The following SDK1 variants were observed in gnomAD, a reference collection of about 807,000 sequenced individuals.
The protein encoded by SDK1 is sidekick cell adhesion molecule 1.
SDK1 carries 157 observed loss-of-function variants against 245.5 expected under a neutral mutation model. The ratio of observed to expected loss-of-function variants is 0.64; its 90% confidence interval spans 0.56 to 0.73. SDK1 has a LOEUF of 0.73. Among genes scored for constraint, SDK1 ranks in the 30% least tolerant of loss-of-function variants. The probability of loss-of-function intolerance (pLI) is 0.00; values close to 1 mark genes in which losing one functional copy is unlikely to be tolerated. For synonymous variants in SDK1, 1,647 were observed against 1,278.5 expected (o/e 1.29, Z -6.15); for missense variants, 3,583 against 3,002.3 (o/e 1.19, Z -4.52).
chr7:3,625,942 C>CTTTTTTTTTTT (rs3086084), intron 2 of SDK1, among the ~76,000 whole-genome samples: 1 of 129,800 alleles, frequency 7.7e-6, no homozygotes. Context: ...TCTTTTCTTT[C>CTTTTTTTTTTT]TTTTTTTTTT....
intron 5 of SDK1, among the ~76,000 whole-genome samples, chr7:3,910,334 T>C (rs1779120947): frequency 6.6e-6 from 1 of 152,228 alleles, no homozygotes; most frequent in East Asian, 1.9e-4. Flanking sequence ...TCAGGCACAT[T>C]CTTCAAACAG....
chr7:3,360,310 C>A (rs552443585), intron 1 of SDK1, among the ~76,000 whole-genome samples: 7 of 152,168 alleles, frequency 4.6e-5, no homozygotes, highest in Non-Finnish European at 8.8e-5. Context: ...GAATGAAGCT[C>A]TTAAGTTATC....
At chr7:3,718,227 C>T (rs961897475) in intron 4 of SDK1, among the ~76,000 whole-genome samples, 11 of 152,118 alleles carry the variant, frequency 7.2e-5, no homozygotes, top group Non-Finnish European at 1.3e-4. Context: ...CAGCTGGTTG[C>T]GGTGGCTCAT....
intron 3 of SDK1, among the ~76,000 whole-genome samples, chr7:3,639,662 C>G (rs1403253150): frequency 6.6e-6 from 1 of 152,056 alleles, no homozygotes; most frequent in African/African-American, 2.4e-5. Flanking sequence ...ATGCAGGAAG[C>G]TTAAATTTTC....
chr7:4,035,363 G>T (rs996835464), intron 17 of SDK1, among the ~76,000 whole-genome samples: 1 of 152,150 alleles, frequency 6.6e-6, no homozygotes, highest in Admixed American at 6.5e-5. Context: ...GGACAGAATT[G>T]TATACTGAGT....
rs199528799 is a variant in SDK1 at position 4,114,195 on chromosome 7, C to T, written c.3744C>T (p.Tyr1248=). The part of the protein sequence containing the change: ...TIEELEEWME[Y]ELQMQAFNAV... ...AGGAGCTGGAGGAGTGGATGGAATA[C>T]GAGCTGCAGATGCAGGCCTTCAACG... The change falls in exon 25 of 45, where the codon TAC becomes TAT. Residue 1248 remains tyrosine (Y), a synonymous_variant. Coordinates refer to ENST00000404826, the MANE Select transcript of SDK1 (RefSeq NM_152744.4). The T allele has an allele frequency of 8.0e-5, 129 of 1,613,978 alleles. 2 individuals are homozygous for T. In the South Asian group the frequency reaches 1.2e-3, roughly 15 times the overall value.
At chr7:3,513,649 T>A (rs1782649180) in intron 1 of SDK1, among the ~76,000 whole-genome samples, 1 of 152,210 alleles carries the variant, frequency 6.6e-6, no homozygotes, top group Admixed American at 6.5e-5. Context: ...TCAACTTTTA[T>A]TTTAGATTAA....
intron 1 of SDK1, among the ~76,000 whole-genome samples, chr7:3,482,788 C>G (rs974504933): frequency 2.0e-5 from 3 of 152,132 alleles, no homozygotes; most frequent in African/African-American, 7.2e-5. Context: ...CTGAAGGCAA[C>G]AAAACAGGAA....
intron 17 of SDK1, among the ~76,000 whole-genome samples, chr7:4,038,508 A>G (rs1039844777): frequency 6.6e-6 from 1 of 152,192 alleles, no homozygotes; most frequent in African/African-American, 2.4e-5. Context: ...TGTTTGATGT[A>G]ATAATCCTCT....
intron 1 of SDK1, among the ~76,000 whole-genome samples, chr7:3,423,215 G>T (rs758774718): frequency 2.0e-5 from 3 of 152,218 alleles, no homozygotes; most frequent in Middle Eastern, 6.8e-3. Context: ...AACAATTTAC[G>T]TTTTTTATTG....
At chr7:3,389,363 AAAGAG>A (rs1277761157) in intron 1 of SDK1, among the ~76,000 whole-genome samples, 2 of 152,168 alleles carry the variant, frequency 1.3e-5, no homozygotes, top group African/African-American at 4.8e-5. Context: ...ATATTTAACT[AAAGAG>A]AAGACAACTA....
chr7:3,474,853 T>C (rs1781304113), intron 1 of SDK1, among the ~76,000 whole-genome samples: 1 of 152,116 alleles, frequency 6.6e-6, no homozygotes, highest in Admixed American at 6.5e-5. Context: ...CCATCATACC[T>C]GGCTAATGTT....
At chr7:3,362,896 T>A (rs1780991499) in intron 1 of SDK1, among the ~76,000 whole-genome samples, 1 of 152,164 alleles carries the variant, frequency 6.6e-6, no homozygotes. Flanking sequence ...TGTAGTTCAG[T>A]CACTTAAAAA....
At chr7:4,038,986 G>A (rs7806117) in intron 17 of SDK1, among the ~76,000 whole-genome samples, 11,713 of 152,102 alleles carry the variant, frequency 0.077, 1,029 homozygotes, top group African/African-American at 0.21. Context: ...AATTTCCTGA[G>A]TAGCAACTTT....
intron 44 of SDK1, among the ~76,000 whole-genome samples, chr7:4,248,672 A>G (rs1256766927): frequency 6.6e-6 from 1 of 151,992 alleles, no homozygotes; most frequent in East Asian, 1.9e-4. Flanking sequence ...ATAACTACAC[A>G]CCTGAATACA....
At chr7:3,661,789 A>G (rs977117136) in intron 4 of SDK1, among the ~76,000 whole-genome samples, 1 of 152,116 alleles carries the variant, frequency 6.6e-6, no homozygotes, top group African/African-American at 2.4e-5. Context: ...GATACCTAAT[A>G]GTTGTGTGGC....
intron 1 of SDK1, among the ~76,000 whole-genome samples, chr7:3,360,074 A>G (rs538931098): frequency 1.3e-5 from 2 of 152,184 alleles, no homozygotes; most frequent in African/African-American, 2.4e-5. Flanking sequence ...GGGACAGGAG[A>G]AGAGAAGTTT....
intron 1 of SDK1, among the ~76,000 whole-genome samples, chr7:3,501,303 G>T (rs527838144): frequency 6.6e-6 from 1 of 151,378 alleles, no homozygotes; most frequent in South Asian, 2.1e-4. Context: ...GCTATTAACT[G>T]TTTTTACTAT....
At chr7:4,157,460 G>GGGAGAGTAGGAA (rs1562899819) in intron 30 of SDK1, among the ~76,000 whole-genome samples, 3 of 28,594 alleles carry the variant, frequency 1.0e-4, no homozygotes, top group African/African-American at 4.5e-4. Context: ...GGAGGTGGAA[G>GGGAGAGTAGGAA]GGAGAGAAGG....
Sources: gnomAD v4.1 joint callset for allele counts (sites outside exome capture counted in the v4.1 genomes callset) on GRCh38, gnomAD v4.1.1 for gene constraint, MANE v1.5 for transcripts, NCBI Gene and HGNC (gene_info 2026-07-23, HGNC 2026-07-21) for gene names.